Variants in AGMO observed in about 807,000 individuals in gnomAD.
The protein encoded by AGMO is alkylglycerol monooxygenase.
AGMO carries 75 observed loss-of-function variants against 60.2 expected under a neutral mutation model. The observed-to-expected ratio is 1.25, with a 90% CI of 1.03 to 1.51. AGMO has a LOEUF of 1.51. AGMO is among the 40% of genes most tolerant of loss of function. The probability of loss-of-function intolerance (pLI) is 0.00; values close to 1 mark genes in which losing one functional copy is unlikely to be tolerated. For synonymous variants in AGMO, 261 were observed against 177.1 expected, an observed-to-expected ratio of 1.47 and a Z score of -3.76; for missense variants, 763 against 525.5, an observed-to-expected ratio of 1.45 and a Z score of -4.42.
the AGMO span, among the ~76,000 whole-genome samples, chr7:15,164,290 C>T: frequency 6.6e-6 from 1 of 151,894 alleles, no homozygotes; most frequent in East Asian, 1.9e-4. Context: ...TATAAAAATC[C>T]TAGAAGAAAA....
At chr7:15,191,035 T>A in the AGMO span, among the ~76,000 whole-genome samples, 2 of 152,138 alleles carry the variant, frequency 1.3e-5, no homozygotes, top group Admixed American at 1.3e-4. Flanking sequence ...TTCAAGAAAC[T>A]CAATTAATGG....
At chr7:15,370,562 G>C (rs1265475483) in intron 10 of AGMO, among the ~76,000 whole-genome samples, 1 of 152,002 alleles carries the variant, frequency 6.6e-6, no homozygotes, top group Non-Finnish European at 1.5e-5. Flanking sequence ...CTATTGTTTT[G>C]ATTTTTTAAC....
intron 12 of AGMO, among the ~76,000 whole-genome samples, chr7:15,332,257 T>C (rs1187584913): frequency 1.3e-5 from 2 of 152,112 alleles, no homozygotes; most frequent in Non-Finnish European, 1.5e-5. Flanking sequence ...CACTGAAACC[T>C]TTCTCCCTAT....
chr7:15,395,478 A>G (rs2128487320), intron 5 of AGMO, among the ~76,000 whole-genome samples: 1 of 152,314 alleles, frequency 6.6e-6, no homozygotes, highest in East Asian at 1.9e-4. Context: ...TTAATAGGAA[A>G]AAATATTTTC....
chr7:15,330,497 G>A (rs770819319), intron 12 of AGMO, among the ~76,000 whole-genome samples: 1 of 152,118 alleles, frequency 6.6e-6, no homozygotes, highest in African/African-American at 2.4e-5. Flanking sequence ...TGGCAGTCAT[G>A]TATGTCATCA....
chr7:15,345,770 T>G (rs531333442), intron 12 of AGMO, among the ~76,000 whole-genome samples: 2 of 152,164 alleles, frequency 1.3e-5, no homozygotes, highest in African/African-American at 4.8e-5. Flanking sequence ...ATAACTTACT[T>G]ATCTATATTC....
At chr7:15,301,662 C>T (rs1784562442) in intron 12 of AGMO, among the ~76,000 whole-genome samples, 1 of 152,030 alleles carries the variant, frequency 6.6e-6, no homozygotes, top group African/African-American at 2.4e-5. Context: ...GTCCACGATA[C>T]TTTTAGAGGA....
chr7:15,298,913 C>T (rs1784478101), intron 12 of AGMO, among the ~76,000 whole-genome samples: 1 of 152,128 alleles, frequency 6.6e-6, no homozygotes, highest in African/African-American at 2.4e-5. Context: ...GTCTCGCTCA[C>T]AGTCAACTAT....
intron 12 of AGMO, among the ~76,000 whole-genome samples, chr7:15,254,029 A>G (rs1783023113): frequency 6.6e-6 from 1 of 152,164 alleles, no homozygotes; most frequent in Non-Finnish European, 1.5e-5. Flanking sequence ...ACAAAATGAC[A>G]GGCAAATATG....
chr7:15,317,878 T>C (rs910634201), intron 12 of AGMO, among the ~76,000 whole-genome samples: 35 of 149,588 alleles, frequency 2.3e-4, no homozygotes, highest in African/African-American at 8.7e-4. Flanking sequence ...CGTATATATA[T>C]ATACACACGT....
chr7:15,170,226 A>C, the AGMO span, among the ~76,000 whole-genome samples: 1 of 152,306 alleles, frequency 6.6e-6, no homozygotes, highest in South Asian at 2.1e-4. Context: ...CAGAGCTCTG[A>C]CTTTTGCATG....
intron 3 of AGMO, among the ~76,000 whole-genome samples, chr7:15,531,428 CTATATATATAT>C (rs1562557284): frequency 1.2e-4 from 5 of 42,662 alleles, no homozygotes; most frequent in East Asian, 6.5e-4. Context: ...TATATATATT[CTATATATATAT>C]TCTATATATA....
chr7:15,385,541 A>T lies in AGMO; in HGVS notation c.979T>A (p.Phe327Ile). The T allele has an allele frequency of 6.2e-7, 1 of 1,612,292 alleles. No homozygotes were observed. The highest frequency in any genetic ancestry group is 8.5e-7 in the Non-Finnish European group (1 of 1,178,578). ...AATAGCTGAGATGAAGATGATGAGA[A>T]GGGAACTTCTTTGCCGGTGACCTAG... Reference protein sequence around the residue: ...IPEVTGKEVPFSSSSSQLLKI... With the variant: ...IPEVTGKEVPISSSSSQLLKI... Residue 327 changes from phenylalanine (F) to isoleucine (I), a missense_variant, in exon 10 of 13, where the codon TTC becomes ATC. Phe to Ile is a conservative substitution (Grantham distance 21). Transcript: ENST00000342526.
intron 12 of AGMO, among the ~76,000 whole-genome samples, chr7:15,234,467 C>G (rs560896372): frequency 1.3e-5 from 2 of 152,180 alleles, no homozygotes; most frequent in African/African-American, 4.8e-5. Flanking sequence ...TTTCAAGATA[C>G]GCTAAGAGAA....
At chr7:15,296,124 G>C (rs1583375582) in intron 12 of AGMO, among the ~76,000 whole-genome samples, 1 of 151,670 alleles carries the variant, frequency 6.6e-6, no homozygotes, top group East Asian at 1.9e-4. Context: ...TTTTTTTCTA[G>C]AATTACAGAC....
downstream of AGMO, chr7:15,200,168 G>C (rs572745271): frequency 2.0e-5 from 3 of 147,646 alleles, no homozygotes; most frequent in Non-Finnish European, 4.4e-5. Flanking sequence ...TTGATTTCAA[G>C]AAATATTGGA....
chr7:15,498,717 C>G (rs1050968531), intron 3 of AGMO, among the ~76,000 whole-genome samples: 1 of 151,894 alleles, frequency 6.6e-6, no homozygotes, highest in Non-Finnish European at 1.5e-5. Context: ...TGATTTACTA[C>G]AAGTGTCTAA....
Position 15,409,316 on chromosome 7 carries a change from C to A in AGMO, c.609+9242G>T, listed in dbSNP as rs114959403. On this transcript the variant is annotated intron_variant, in intron 5 of 12. Coordinates refer to ENST00000342526, the MANE Select transcript of AGMO (RefSeq NM_001004320.2). Reference sequence around the variant, plus strand: ...ATCTTTTAACTCTACCATATCAGTTCTTTGTGAACTCTGCTGCCACCCACC... The same window carrying A: ...ATCTTTTAACTCTACCATATCAGTTATTTGTGAACTCTGCTGCCACCCACC... 5.2e-3 allele frequency among the ~76,000 whole-genome samples: 795 copies of A among 152,024 alleles called. 10 individuals carry two copies. The highest frequency in any genetic ancestry group is 0.018 in the African/African-American group (755 of 41,524).
the AGMO span, among the ~76,000 whole-genome samples, chr7:15,187,700 G>T: frequency 6.6e-6 from 1 of 152,090 alleles, no homozygotes; most frequent in South Asian, 2.1e-4. Flanking sequence ...TTTGGTCTTG[G>T]TTTTTCTTTA....
Sources: gnomAD v4.1 joint callset for allele counts (sites outside exome capture counted in the v4.1 genomes callset) on GRCh38, gnomAD v4.1.1 for gene constraint, MANE v1.5 for transcripts, NCBI Gene and HGNC (gene_info 2026-07-23, HGNC 2026-07-21) for gene names.